DEPTOR: variants seen among roughly 807,000 people sequenced by gnomAD.
The protein encoded by DEPTOR is DEP domain-containing mTOR-interacting protein.
DEPTOR carries 41 observed loss-of-function variants against 41.6 expected under a neutral mutation model. The observed-to-expected ratio is 0.98, with a 90% CI of 0.77 to 1.28. The LOEUF (loss-of-function observed/expected upper bound fraction) is 1.28, where lower values mean the gene tolerates loss of function less well. DEPTOR is among the 50% of genes most tolerant of loss of function. The pLI is 0.00. For synonymous variants in DEPTOR, 195 were observed against 192.3 expected (o/e 1.01, Z -0.12); for missense variants, 514 against 527.9 (o/e 0.97, Z 0.26).
chr8:119,977,998 T>C (rs1400554057), intron 4 of DEPTOR, among the ~76,000 whole-genome samples: 1 of 152,140 alleles, frequency 6.6e-6, no homozygotes, highest in African/African-American at 2.4e-5. Flanking sequence ...CCTATGAATA[T>C]TTCTTTCCTT....
chr8:119,975,149 A>C (rs1468908703), intron 4 of DEPTOR, among the ~76,000 whole-genome samples: 6 of 152,036 alleles, frequency 3.9e-5, no homozygotes, highest in African/African-American at 1.4e-4. Flanking sequence ...AAAAAAAAAA[A>C]ATTTTTTTAA....
chr8:119,916,266 ATTTTTTTTTTTTTT>A (rs71304925), intron 1 of DEPTOR, among the ~76,000 whole-genome samples: 5 of 123,292 alleles, frequency 4.1e-5, no homozygotes, highest in Non-Finnish European at 8.4e-5. Context: ...GGCTAGGCTA[ATTTTTTTTTTTTTT>A]TTTTTTTTTT....
intron 6 of DEPTOR, among the ~76,000 whole-genome samples, chr8:120,003,783 GT>G (rs1180265354): frequency 6.6e-6 from 1 of 152,124 alleles, no homozygotes; most frequent in African/African-American, 2.4e-5. Flanking sequence ...GCACAAAATT[GT>G]TGGTGAACAT....
At position 120,049,825 on chromosome 8, in the gene DEPTOR, C is replaced by A; in HGVS notation, c.*121C>A. The stretch of plus-strand genomic sequence containing the variant: ...GTTTTGGACATACGAGTCTTCTCCG[C>A]ACATACATGTCTAAAGTTGAGTTTT... On this transcript the variant is annotated 3_prime_UTR_variant, in exon 9 of 9. Transcript: ENST00000286234. 1.6e-6 allele frequency: 2 copies of A among 1,272,276 alleles called. No homozygotes were observed. Among genetic ancestry groups the A allele is most frequent in the Non-Finnish European group, 2.1e-6 (2 of 935,330 alleles). 78.8% of individuals were successfully genotyped at this position (1,272,276 alleles called of 1,614,324 possible).
In DEPTOR at chr8:120,003,090, G is replaced by A. The variant is rs780259678; in HGVS notation, c.904G>A (p.Val302Met). ...SSPTLSSSPP[V>M]LCNPKSVLKR... The stretch of plus-strand genomic sequence containing the variant: ...CCCCACCCTCAGCAGCAGCCCCCCT[G>A]TGCTCTGCAACCCCAAGTCCGGTGA... Residue 302 changes from valine to methionine, a missense_variant, in exon 6 of 9, where the codon GTG becomes ATG. Val to Met is a conservative substitution (Grantham distance 21). Coordinates refer to ENST00000286234, the MANE Select transcript of DEPTOR (RefSeq NM_022783.4). The A allele has an allele frequency of 1.2e-4, 199 of 1,612,770 alleles. No homozygotes were observed. The highest frequency in any genetic ancestry group is 1.6e-4 in the Non-Finnish European group (194 of 1,179,974).
intron 4 of DEPTOR, among the ~76,000 whole-genome samples, chr8:119,973,161 A>G (rs903080206): frequency 6.6e-5 from 10 of 150,810 alleles, no homozygotes; most frequent in African/African-American, 2.4e-4. Flanking sequence ...CTGCTCTCGA[A>G]CTCCCGACCT....
intron 1 of DEPTOR, among the ~76,000 whole-genome samples, chr8:119,916,266 ATTTTTTTTTTTTTTTTT>A (rs71304925): frequency 1.6e-5 from 2 of 123,294 alleles, no homozygotes; most frequent in South Asian, 2.7e-4. Flanking sequence ...GGCTAGGCTA[ATTTTTTTTTTTTTTTTT>A]TTTTTTTTTT....
At chr8:119,884,351 C>T (rs995451661) in intron 1 of DEPTOR, among the ~76,000 whole-genome samples, 1 of 152,196 alleles carries the variant, frequency 6.6e-6, no homozygotes, top group Non-Finnish European at 1.5e-5. Context: ...AGCCACTGCA[C>T]CTGGCCGGTT....
intron 1 of DEPTOR, among the ~76,000 whole-genome samples, chr8:119,903,359 A>G (rs959381850): frequency 1.3e-5 from 2 of 152,124 alleles, no homozygotes; most frequent in African/African-American, 4.8e-5. Flanking sequence ...TGGTCTCCCA[A>G]AGTGCTGGGA....
chr8:119,992,511 G>T (rs999395115), intron 4 of DEPTOR, among the ~76,000 whole-genome samples: 1 of 152,034 alleles, frequency 6.6e-6, no homozygotes, highest in African/African-American at 2.4e-5. Flanking sequence ...TGATGTCTGC[G>T]CATTCCCTAT....
chr8:119,902,973 G>C (rs1827614196), intron 1 of DEPTOR, among the ~76,000 whole-genome samples: 1 of 152,198 alleles, frequency 6.6e-6, no homozygotes, highest in South Asian at 2.1e-4. Flanking sequence ...CAAGTGAAAT[G>C]TACTAAAATT....
At chr8:120,016,465 A>AT (rs769292409) in intron 8 of DEPTOR, among the ~76,000 whole-genome samples, 2 of 151,536 alleles carry the variant, frequency 1.3e-5, no homozygotes, top group Non-Finnish European at 2.9e-5. Context: ...CACCCAGCTA[A>AT]TTTTTTTGTA....
At chr8:120,030,193 G>A (rs1465655134) in intron 8 of DEPTOR, among the ~76,000 whole-genome samples, 1 of 152,118 alleles carries the variant, frequency 6.6e-6, no homozygotes, top group Non-Finnish European at 1.5e-5. Context: ...TGTGTAAGCT[G>A]GAATCCTGGG....
chr8:120,016,099 A>G (rs2130122662), intron 8 of DEPTOR, among the ~76,000 whole-genome samples: 2 of 152,186 alleles, frequency 1.3e-5, no homozygotes, highest in Middle Eastern at 3.4e-3. Flanking sequence ...TTTCCTCTCT[A>G]TCTGCCTAAA....
chr8:119,916,161 G>A (rs1268332770), intron 1 of DEPTOR, among the ~76,000 whole-genome samples: 3 of 151,916 alleles, frequency 2.0e-5, no homozygotes, highest in Admixed American at 6.6e-5. Flanking sequence ...GTGCAGTGGC[G>A]CGATCTCAGC....
intron 8 of DEPTOR, among the ~76,000 whole-genome samples, chr8:120,048,242 T>G (rs984668421): frequency 2.0e-5 from 3 of 152,176 alleles, no homozygotes; most frequent in Non-Finnish European, 4.4e-5. Context: ...AATTTCCAAG[T>G]CTAGGGTCTA....
intron 5 of DEPTOR, 140 bp downstream of exon 5, chr8:120,001,850 A>G (rs529085339): frequency 6.6e-6 from 7 of 1,060,848 alleles, no homozygotes; most frequent in African/African-American, 3.2e-5. Flanking sequence ...CATGAAAAAA[A>G]TTCTGAAACC....
chr8:119,973,232 C>T (rs1287094270), intron 4 of DEPTOR, among the ~76,000 whole-genome samples: 1 of 151,628 alleles, frequency 6.6e-6, no homozygotes, highest in African/African-American at 2.4e-5. Context: ...AGCCACTGCA[C>T]CTGGACTCTT....
At chr8:119,898,838 C>A (rs933770192) in intron 1 of DEPTOR, among the ~76,000 whole-genome samples, 1 of 152,010 alleles carries the variant, frequency 6.6e-6, no homozygotes, top group Admixed American at 6.6e-5. Context: ...AACCCTAAAT[C>A]ATTTGTTTTC....
Sources: allele counts gnomAD v4.1 joint callset (sites outside exome capture counted in the v4.1 genomes callset), GRCh38; gene constraint gnomAD v4.1.1; transcripts MANE v1.5; gene names NCBI Gene and HGNC (gene_info 2026-07-23, HGNC 2026-07-21).